Variants in TENM3 observed in about 807,000 individuals in gnomAD.
The protein encoded by TENM3 is teneurin-3.
A neutral mutation model predicts 255.1 loss-of-function variants in TENM3; 63 were observed. The ratio of observed to expected loss-of-function variants is 0.25; its 90% CI spans 0.20 to 0.30. The LOEUF is 0.30. Among genes scored for constraint, TENM3 ranks in the 10% least tolerant of loss-of-function variants. The pLI, the probability that TENM3 is intolerant of heterozygous loss-of-function variation, is 1.00. For synonymous variants in TENM3, 1,306 were observed against 1,322.3 expected, an observed-to-expected ratio of 0.99 and a Z score of 0.27; for missense variants, 2,929 against 3,461.1, an observed-to-expected ratio of 0.85 and a Z score of 3.86.
chr4:182,591,410 T>C (rs1223669260), intron 3 of TENM3, among the ~76,000 whole-genome samples: 1 of 152,202 alleles, frequency 6.6e-6, no homozygotes, highest in Non-Finnish European at 1.5e-5. Flanking sequence ...TCTAGGCAGT[T>C]TAAGTCTTTC....
intron 3 of TENM3, among the ~76,000 whole-genome samples, chr4:182,458,804 A>G (rs1209804230): frequency 2.0e-5 from 3 of 152,198 alleles, no homozygotes; most frequent in African/African-American, 7.2e-5. Flanking sequence ...AAGTGACAGC[A>G]TCCTCTGCAG....
chr4:182,157,410 A>G (rs1370427241), intron 1 of TENM3, among the ~76,000 whole-genome samples: 4 of 152,216 alleles, frequency 2.6e-5, no homozygotes, highest in Non-Finnish European at 5.9e-5. Context: ...CTGTGAAGGC[A>G]GAGACCCTTC....
intron 3 of TENM3, among the ~76,000 whole-genome samples, chr4:182,597,530 T>C (rs1285832200): frequency 6.6e-6 from 1 of 152,218 alleles, no homozygotes; most frequent in Non-Finnish European, 1.5e-5. Flanking sequence ...CTCTAAATCA[T>C]GCAACTGATT....
At chr4:181,700,123 C>T in the TENM3 span, among the ~76,000 whole-genome samples, 5 of 152,136 alleles carry the variant, frequency 3.3e-5, no homozygotes, top group East Asian at 1.9e-4. Flanking sequence ...GAAACAGTGT[C>T]GCTAGATTGT....
the TENM3 span, chr4:181,522,794 T>C: frequency 1.2e-6 from 1 of 834,540 alleles, no homozygotes; most frequent in South Asian, 1.3e-5. Context: ...TGGATCCTGG[T>C]CAAACTTTAA....
chr4:182,793,170 C>T lies in TENM3; in HGVS notation c.6498C>T (p.Asn2166=), dbSNP rs1261299068. ...NGNLHLLNPS[N]SARLTPLRYD... ...ACCTCCATTTACTGAACCCAAGTAA[C>T]AGTGCGCGTCTGACACCCCTTCGCT... The change falls in exon 26 of 28, where the codon AAC becomes AAT. Residue 2166 remains asparagine (N), a synonymous_variant. Coordinates refer to ENST00000511685, the MANE Select transcript of TENM3 (RefSeq NM_001080477.4). This position sits in a 1 kb window ranked among gnomAD's most constrained non-coding sequence, Gnocchi z 5.7. The T allele has an allele frequency of 2.5e-6, 4 of 1,614,018 alleles. No individual in the cohort carries two copies. Among genetic ancestry groups the T allele is most frequent in the Non-Finnish European group, 3.4e-6 (4 of 1,179,890 alleles).
chr4:182,455,627 T>C (rs532303397), intron 3 of TENM3, among the ~76,000 whole-genome samples: 4 of 143,554 alleles, frequency 2.8e-5, no homozygotes, highest in Non-Finnish European at 6.0e-5. Context: ...AGTGGCATGA[T>C]CTCGCCTCAC....
chr4:182,094,085 G>T, the TENM3 span, among the ~76,000 whole-genome samples: 1 of 152,118 alleles, frequency 6.6e-6, no homozygotes, highest in East Asian at 1.9e-4. Context: ...TCAACACTGA[G>T]CAGGACAGGG....
chr4:182,540,607 A>G (rs1328271114), intron 3 of TENM3, among the ~76,000 whole-genome samples: 1 of 152,140 alleles, frequency 6.6e-6, no homozygotes, highest in African/African-American at 2.4e-5. Flanking sequence ...TTTTTCACTT[A>G]AAAAATATTT....
the TENM3 span, among the ~76,000 whole-genome samples, chr4:181,499,066 A>G: frequency 9.2e-3 from 1,402 of 152,292 alleles, 17 homozygotes; most frequent in South Asian, 0.033. Context: ...TTTTAATGCT[A>G]TTTCATCTTG....
At chr4:181,733,975 GA>G in the TENM3 span, among the ~76,000 whole-genome samples, 1 of 152,124 alleles carries the variant, frequency 6.6e-6, no homozygotes, top group Non-Finnish European at 1.5e-5. Context: ...TATTATTGTA[GA>G]AGTTCCCAGC....
intron 3 of TENM3, among the ~76,000 whole-genome samples, chr4:182,421,043 C>G (rs1770798123): frequency 6.6e-6 from 1 of 152,110 alleles, no homozygotes; most frequent in Non-Finnish European, 1.5e-5. Flanking sequence ...CATCACTGAA[C>G]AGCTTGCAGA....
At chr4:181,736,752 T>C in the TENM3 span, among the ~76,000 whole-genome samples, 1 of 152,074 alleles carries the variant, frequency 6.6e-6, no homozygotes, top group Non-Finnish European at 1.5e-5. Flanking sequence ...CCTGATTCCC[T>C]GTGGGGACTC....
At chr4:182,034,519 G>A in the TENM3 span, among the ~76,000 whole-genome samples, 1 of 152,106 alleles carries the variant, frequency 6.6e-6, no homozygotes, top group Non-Finnish European at 1.5e-5. Context: ...TGTAGTGGCT[G>A]GTAAGTTTTT....
chr4:181,592,221 T>C, the TENM3 span, among the ~76,000 whole-genome samples: 1 of 118,948 alleles, frequency 8.4e-6, no homozygotes, highest in South Asian at 2.6e-4. Context: ...ATTTCTTATG[T>C]GTCCATTATA....
At chr4:182,712,447 A>C (rs1758815825) in intron 12 of TENM3, among the ~76,000 whole-genome samples, 1 of 152,132 alleles carries the variant, frequency 6.6e-6, no homozygotes, top group African/African-American at 2.4e-5. Context: ...AAAAAAAAAA[A>C]AACACATCCA....
chr4:182,718,188 T>C (rs1041682379), intron 13 of TENM3, among the ~76,000 whole-genome samples: 4 of 151,480 alleles, frequency 2.6e-5, no homozygotes, highest in African/African-American at 9.7e-5. Context: ...AAAAAAAAAA[T>C]TATTAGCTTA....
chr4:182,014,171 C>CGT, the TENM3 span, among the ~76,000 whole-genome samples: 6 of 145,368 alleles, frequency 4.1e-5, no homozygotes, highest in African/African-American at 1.3e-4. Flanking sequence ...CATATATATA[C>CGT]ATATATATAT....
the TENM3 span, among the ~76,000 whole-genome samples, chr4:181,709,160 C>T: frequency 0.014 from 2,146 of 152,276 alleles, 45 homozygotes; most frequent in African/African-American, 0.049. Context: ...ATTAATCAAT[C>T]TAAATTATTT....
Sources: gnomAD v4.1 joint callset for allele counts (sites outside exome capture counted in the v4.1 genomes callset) on GRCh38, gnomAD v4.1.1 for gene constraint, Gnocchi (gnomAD v3.1) non-coding constraint, MANE v1.5 for transcripts, NCBI Gene and HGNC (gene_info 2026-07-23, HGNC 2026-07-21) for gene names.